SLC9A1: variants seen among roughly 807,000 people sequenced by gnomAD.
SLC9A1 encodes the protein sodium/hydrogen exchanger 1.
In SLC9A1, 22 loss-of-function variants were observed where a neutral mutation model predicts 67.9. The observed-to-expected ratio is 0.32, with a 90% CI of 0.23 to 0.46. The LOEUF (loss-of-function observed/expected upper bound fraction) is 0.46. SLC9A1 is among the 20% of genes least tolerant of loss of function. SLC9A1 has a pLI of 1.00. For missense variants in SLC9A1, 686 were observed against 1,094.8 expected (o/e 0.63, Z 5.27); for synonymous variants, 421 against 471.8 (o/e 0.89, Z 1.40).
At chr1:27,148,696 T>G (rs2083505327) in intron 1 of SLC9A1, among the ~76,000 whole-genome samples, 1 of 152,122 alleles carries the variant, frequency 6.6e-6, no homozygotes, top group South Asian at 2.1e-4. Context: ...CACAAGTGCT[T>G]TGGAAACAAA....
At chr1:27,151,327 A>G (rs747187230) in intron 1 of SLC9A1, among the ~76,000 whole-genome samples, 1 of 152,208 alleles carries the variant, frequency 6.6e-6, no homozygotes, top group Non-Finnish European at 1.5e-5. Context: ...TAATAGCACT[A>G]TAACTGGATA....
In SLC9A1 at chr1:27,102,578, G is replaced by A; in HGVS notation, c.1647-20C>T. 6.2e-7 allele frequency: 1 copy of A among 1,609,224 alleles called. No homozygotes were observed. The highest frequency in any genetic ancestry group is 8.5e-7 in the Non-Finnish European group (1 of 1,176,978). Reference sequence around the variant, plus strand: ...TTGAGCCTGGTGGGAGGAGGAGGGAGACGGATGGCGCCAGCTTCCAGGAGT... The same window carrying A: ...TTGAGCCTGGTGGGAGGAGGAGGGAAACGGATGGCGCCAGCTTCCAGGAGT... On this transcript the variant is annotated intron_variant, in intron 7 of 11. Transcript: ENST00000263980.
chr1:27,113,337 G>C (rs2083243557), intron 2 of SLC9A1, among the ~76,000 whole-genome samples: 1 of 152,150 alleles, frequency 6.6e-6, no homozygotes, highest in South Asian at 2.1e-4. Flanking sequence ...GTGCATGCCT[G>C]TAGTCCTAGC....
chr1:27,107,919 G>A, intron 3 of SLC9A1, 54 bp from the exon 4 acceptor site: 1 of 1,346,900 alleles, frequency 7.4e-7, no homozygotes, highest in Non-Finnish European at 1.0e-6. Context: ...ACCTGCTCGA[G>A]CCCCTCCACT....
Sources: allele counts gnomAD v4.1 joint callset (sites outside exome capture counted in the v4.1 genomes callset), GRCh38; gene constraint gnomAD v4.1.1; transcripts MANE v1.5; gene names NCBI Gene and HGNC (gene_info 2026-07-23, HGNC 2026-07-21).